The following CELF4 variants were observed in gnomAD, a reference collection of about 807,000 sequenced individuals.
CELF4 encodes the protein CUG-BP- and ETR-3-like factor 4.
In CELF4, 18 loss-of-function variants were observed where a neutral mutation model predicts 59.9. The ratio of observed to expected loss-of-function variants is 0.30; its 90% CI spans 0.21 to 0.45. CELF4 has a LOEUF of 0.45. Among genes scored for constraint, CELF4 ranks in the 20% least tolerant of loss-of-function variants. The pLI, the probability that CELF4 is intolerant of heterozygous loss-of-function variation, is 1.00. For synonymous variants in CELF4, 261 were observed against 267.1 expected (o/e 0.98, Z 0.22); for missense variants, 456 against 689.0 (o/e 0.66, Z 3.79).
intron 2 of CELF4, among the ~76,000 whole-genome samples, chr18:37,381,835 C>T (rs1006311557): frequency 2.0e-5 from 3 of 152,140 alleles, no homozygotes; most frequent in African/African-American, 4.8e-5. Flanking sequence ...AGTTCCTGTG[C>T]GGTCCCAGTC....
chr18:37,250,799 A>G (rs2065024895), intron 12 of CELF4, among the ~76,000 whole-genome samples: 1 of 152,160 alleles, frequency 6.6e-6, no homozygotes, highest in African/African-American at 2.4e-5. Flanking sequence ...AGAGCTTCCA[A>G]CAGTCTTGGG....
chr18:37,368,636 C>T (rs2098818937), intron 2 of CELF4, among the ~76,000 whole-genome samples: 1 of 152,260 alleles, frequency 6.6e-6, no homozygotes, highest in Non-Finnish European at 1.5e-5. Flanking sequence ...GCCTCTGTCA[C>T]TTTCAGCCAG....
At chr18:37,516,073 G>A (rs1456973349) in intron 1 of CELF4, among the ~76,000 whole-genome samples, 6 of 152,152 alleles carry the variant, frequency 3.9e-5, no homozygotes, top group Admixed American at 3.9e-4. Context: ...GGCTGTAGAT[G>A]GATTCAGAGG....
At chr18:37,544,612 TGTGTAA>T (rs1427065081) in intron 1 of CELF4, among the ~76,000 whole-genome samples, 1 of 152,162 alleles carries the variant, frequency 6.6e-6, no homozygotes, top group African/African-American at 2.4e-5. Flanking sequence ...CGTATGTATG[TGTGTAA>T]GTGTATCTGT....
At chr18:37,547,160 G>GT (rs61235122) in intron 1 of CELF4, among the ~76,000 whole-genome samples, 7,632 of 143,924 alleles carry the variant, frequency 0.053, 257 homozygotes, top group Non-Finnish European at 0.078. Flanking sequence ...GTGTGTGTGT[G>GT]GTGTGTGTGT....
At chr18:37,374,334 C>T (rs1253604957) in intron 2 of CELF4, among the ~76,000 whole-genome samples, 1 of 152,224 alleles carries the variant, frequency 6.6e-6, no homozygotes, top group Non-Finnish European at 1.5e-5. Flanking sequence ...GGGCGGTCCT[C>T]ACTGCCTGGT....
intron 2 of CELF4, among the ~76,000 whole-genome samples, chr18:37,408,036 A>G (rs2099402005): frequency 6.6e-6 from 1 of 152,208 alleles, no homozygotes; most frequent in African/African-American, 2.4e-5. Context: ...GGCACAGAAT[A>G]CTAGTGAGGA....
At chr18:37,353,337 C>T (rs1018396746) in intron 2 of CELF4, among the ~76,000 whole-genome samples, 6 of 151,260 alleles carry the variant, frequency 4.0e-5, no homozygotes, top group Non-Finnish European at 8.8e-5. Flanking sequence ...TCCAGTGAGG[C>T]CAGATTCAGC....
At chr18:37,303,192 G>A (rs562902031) in intron 3 of CELF4, among the ~76,000 whole-genome samples, 14 of 152,206 alleles carry the variant, frequency 9.2e-5, no homozygotes, top group Middle Eastern at 3.4e-3. Context: ...CAGCAGAGCC[G>A]TGGCCCCTGG....
intron 1 of CELF4, among the ~76,000 whole-genome samples, chr18:37,544,389 A>G (rs568853487): frequency 6.6e-6 from 1 of 152,266 alleles, no homozygotes; most frequent in South Asian, 2.1e-4. Context: ...CCTCAGTGCT[A>G]TGCATTGCAT....
chr18:37,266,457 AG>A, intron 9 of CELF4, 75 bp downstream of exon 9: 2 of 1,361,682 alleles, frequency 1.5e-6, no homozygotes, highest in South Asian at 2.5e-5. Flanking sequence ...CCCAGGCCTG[AG>A]GGGGCACTGG....
At chr18:37,330,635 C>A (rs2097506040) in intron 2 of CELF4, among the ~76,000 whole-genome samples, 1 of 152,198 alleles carries the variant, frequency 6.6e-6, no homozygotes, top group South Asian at 2.1e-4. Flanking sequence ...GATGCCCACG[C>A]AGGGCCCAGC....
intron 2 of CELF4, among the ~76,000 whole-genome samples, chr18:37,346,023 T>A (rs2098244182): frequency 6.6e-6 from 1 of 152,184 alleles, no homozygotes; most frequent in African/African-American, 2.4e-5. Flanking sequence ...AAAAACTGAT[T>A]ACTCCAAATG....
chr18:37,287,998 A>T (rs1165551081), intron 3 of CELF4, among the ~76,000 whole-genome samples: 2 of 152,176 alleles, frequency 1.3e-5, no homozygotes, highest in Non-Finnish European at 2.9e-5. Flanking sequence ...AATCAGTCAC[A>T]ACCACCCACA....
intron 9 of CELF4, 131 bp from the exon 10 acceptor site, chr18:37,264,888 G>C (rs2076648689): frequency 2.9e-6 from 2 of 688,254 alleles, no homozygotes; most frequent in Non-Finnish European, 5.0e-6. Flanking sequence ...AGCCACTTAG[G>C]ACAAAGCCAG....
intron 8 of CELF4, among the ~76,000 whole-genome samples, chr18:37,267,074 G>A (rs991011385): frequency 6.6e-6 from 1 of 152,226 alleles, no homozygotes; most frequent in South Asian, 2.1e-4. Context: ...CACTGTGCCT[G>A]CTCACACAGA....
intron 9 of CELF4, among the ~76,000 whole-genome samples, chr18:37,265,220 C>T (rs1176970992): frequency 2.0e-5 from 3 of 151,518 alleles, no homozygotes; most frequent in Admixed American, 6.6e-5. Flanking sequence ...CGTGTGTGTA[C>T]GTGTGTGCGC....
intron 2 of CELF4, among the ~76,000 whole-genome samples, chr18:37,389,591 G>T (rs1603633884): frequency 1.3e-5 from 2 of 152,094 alleles, no homozygotes; most frequent in African/African-American, 4.8e-5. Context: ...CTGGACCTCT[G>T]GGTATGCTTG....
chr18:37,497,278 T>G (rs1786779), intron 1 of CELF4, among the ~76,000 whole-genome samples: 150,814 of 152,324 alleles, frequency 0.99, 74,681 homozygotes, highest in Middle Eastern at 1. Flanking sequence ...GGAGTGAAAA[T>G]ATGCTTCATT....
Sources: gnomAD v4.1 joint callset for allele counts (sites outside exome capture counted in the v4.1 genomes callset) on GRCh38, gnomAD v4.1.1 for gene constraint, MANE v1.5 for transcripts, NCBI Gene and HGNC (gene_info 2026-07-23, HGNC 2026-07-21) for gene names.